The following FGF12 variants were observed in gnomAD, a reference collection of about 807,000 sequenced individuals.
FGF12 encodes the protein fibroblast growth factor 12, also known as fibroblast growth factor 12B.
FGF12 carries 14 observed loss-of-function variants against 23.6 expected under a neutral mutation model. That is an observed-to-expected ratio of 0.59 (90% CI 0.39 to 0.93). FGF12 has a LOEUF of 0.93. Among genes scored for constraint, FGF12 ranks in the 40% least tolerant of loss-of-function variants. FGF12 has a pLI of 0.00. For missense variants in FGF12, 175 were observed against 217.8 expected (o/e 0.80, Z 1.24); for synonymous variants, 62 against 77.3 (o/e 0.80, Z 1.04).
chr3:192,389,524 C>A (rs1329783346), intron 2 of FGF12, among the ~76,000 whole-genome samples: 1 of 152,176 alleles, frequency 6.6e-6, no homozygotes, highest in African/African-American at 2.4e-5. Flanking sequence ...AAAACAGAAA[C>A]TAAACATTCC....
chr3:192,557,135 C>A (rs1711816295), intron 2 of FGF12, among the ~76,000 whole-genome samples: 1 of 151,390 alleles, frequency 6.6e-6, no homozygotes, highest in Admixed American at 6.6e-5. Context: ...AATGGTATAC[C>A]TGAAATAACT....
intron 4 of FGF12, among the ~76,000 whole-genome samples, chr3:192,274,445 C>T: frequency 6.6e-6 from 1 of 152,146 alleles, no homozygotes; most frequent in East Asian, 1.9e-4. Flanking sequence ...TACCTATTAA[C>T]ACACTTGAGA....
At chr3:192,634,404 A>G (rs79482624) in intron 2 of FGF12, among the ~76,000 whole-genome samples, 4,494 of 152,320 alleles carry the variant, frequency 0.03, 192 homozygotes, top group African/African-American at 0.1. Context: ...TTAGAAATTA[A>G]AAGTAACTTA....
intron 2 of FGF12, among the ~76,000 whole-genome samples, chr3:192,555,833 T>C (rs980247134): frequency 2.4e-4 from 36 of 151,644 alleles, no homozygotes; most frequent in African/African-American, 8.7e-4. Context: ...TTGTGACATC[T>C]ATAGCATAGT....
intron 4 of FGF12, among the ~76,000 whole-genome samples, chr3:192,323,626 A>G (rs1271416970): frequency 2.0e-5 from 3 of 152,234 alleles, no homozygotes; most frequent in African/African-American, 7.2e-5. Context: ...AGAATGTTTC[A>G]GATCAAACGT....
intron 4 of FGF12, among the ~76,000 whole-genome samples, chr3:192,203,675 C>G (rs1488153025): frequency 6.7e-6 from 1 of 150,294 alleles, no homozygotes; most frequent in Non-Finnish European, 1.5e-5. Context: ...CTCAAGTGAT[C>G]CTCCCATCTG....
At chr3:192,333,983 CAA>C (rs1389519579) in intron 4 of FGF12, among the ~76,000 whole-genome samples, 1 of 152,002 alleles carries the variant, frequency 6.6e-6, no homozygotes, top group African/African-American at 2.4e-5. Context: ...TGAGCTGGGA[CAA>C]AGTCTTTTGG....
intron 4 of FGF12, among the ~76,000 whole-genome samples, chr3:192,259,393 C>G (rs190571787): frequency 1.3e-5 from 2 of 151,828 alleles, no homozygotes; most frequent in Admixed American, 6.6e-5. Context: ...ACTTTCTATA[C>G]GTAAAAATGT....
intron 2 of FGF12, among the ~76,000 whole-genome samples, chr3:192,372,415 A>T (rs1719276790): frequency 6.6e-6 from 1 of 152,006 alleles, no homozygotes; most frequent in South Asian, 2.1e-4. Context: ...ACACACACAC[A>T]CACACAATGC....
At chr3:192,677,687 C>G (rs1022075109) in intron 2 of FGF12, among the ~76,000 whole-genome samples, 1 of 152,176 alleles carries the variant, frequency 6.6e-6, no homozygotes, top group Non-Finnish European at 1.5e-5. Context: ...TGACCTCAAC[C>G]TTTTATTATA....
chr3:192,489,893 C>T, intron 2 of FGF12, among the ~76,000 whole-genome samples: 1 of 151,944 alleles, frequency 6.6e-6, no homozygotes, highest in East Asian at 1.9e-4. Flanking sequence ...GGCTTAATAC[C>T]TGGGCGATGA....
chr3:192,619,361 T>C (rs1442549443), intron 2 of FGF12, among the ~76,000 whole-genome samples: 1 of 152,040 alleles, frequency 6.6e-6, no homozygotes, highest in African/African-American at 2.4e-5. Context: ...AAGTGAAAAG[T>C]GTGGGCAGGA....
chr3:192,627,133 C>A (rs1404627498), intron 2 of FGF12, among the ~76,000 whole-genome samples: 1 of 152,154 alleles, frequency 6.6e-6, no homozygotes, highest in Middle Eastern at 3.4e-3. Context: ...GCACAGATAA[C>A]AAGTCCATAG....
At chr3:192,481,300 G>C (rs1257836900) in intron 2 of FGF12, among the ~76,000 whole-genome samples, 1 of 151,780 alleles carries the variant, frequency 6.6e-6, no homozygotes, top group East Asian at 1.9e-4. Context: ...TAGCTTGGAT[G>C]GTTTAAAAAA....
At chr3:192,365,736 C>T (rs1377922733) in intron 2 of FGF12, among the ~76,000 whole-genome samples, 2 of 151,938 alleles carry the variant, frequency 1.3e-5, no homozygotes, top group South Asian at 2.1e-4. Context: ...TTCAGCAGAA[C>T]GTTTGAATTC....
At chr3:192,588,363 A>AAAAG (rs1553835736) in intron 2 of FGF12, among the ~76,000 whole-genome samples, 5 of 147,024 alleles carry the variant, frequency 3.4e-5, no homozygotes, top group Admixed American at 6.8e-5. Context: ...AAAAAAAAAA[A>AAAAG]AAAAGAAAAA....
intron 2 of FGF12, among the ~76,000 whole-genome samples, chr3:192,622,991 C>T (rs2108649219): frequency 6.6e-6 from 1 of 152,312 alleles, no homozygotes; most frequent in South Asian, 2.1e-4. Flanking sequence ...CTATATCAAA[C>T]CTGGCATATC....
chr3:192,599,278 A>AATAATT (rs1212861575), intron 2 of FGF12, among the ~76,000 whole-genome samples: 1 of 150,064 alleles, frequency 6.7e-6, no homozygotes, highest in African/African-American at 2.4e-5. Flanking sequence ...TAATAATAAT[A>AATAATT]ATAATAAAGA....
intron 2 of FGF12, among the ~76,000 whole-genome samples, chr3:192,700,916 T>C (rs894657432): frequency 1.3e-5 from 2 of 152,186 alleles, no homozygotes; most frequent in East Asian, 1.9e-4. Context: ...CTCCAAAATA[T>C]ATTTTTTTGA....
Sources: allele counts gnomAD v4.1 joint callset (sites outside exome capture counted in the v4.1 genomes callset), GRCh38; gene constraint gnomAD v4.1.1; transcripts MANE v1.5; gene names NCBI Gene and HGNC (gene_info 2026-07-23, HGNC 2026-07-21).